The following NEDD4 variants were observed in gnomAD, a reference collection of about 807,000 sequenced individuals.
NEDD4 encodes E3 ubiquitin-protein ligase NEDD4.
In NEDD4, 99 loss-of-function variants were observed where a neutral mutation model predicts 144.9. That is an observed-to-expected ratio of 0.68 (90% CI 0.58 to 0.81). The LOEUF is 0.81. Among genes scored for constraint, NEDD4 ranks in the 30% least tolerant of loss-of-function variants. The pLI is 0.00. For missense variants in NEDD4, 985 were observed against 1,065.9 expected, an observed-to-expected ratio of 0.92 and a Z score of 1.06; for synonymous variants, 318 against 350.6, an observed-to-expected ratio of 0.91 and a Z score of 1.04.
chr15:55,966,058 T>C (rs1248030731), intron 2 of NEDD4, among the ~76,000 whole-genome samples: 5 of 152,194 alleles, frequency 3.3e-5, no homozygotes, highest in African/African-American at 9.6e-5. Context: ...GACCAATTCA[T>C]AGTATCAGGA....
At chr15:55,843,207 C>T (rs2033594563) in intron 18 of NEDD4, among the ~76,000 whole-genome samples, 1 of 152,134 alleles carries the variant, frequency 6.6e-6, no homozygotes, top group South Asian at 2.1e-4. Flanking sequence ...TTGTAAATTG[C>T]CTGGTCTCAG....
intron 1 of NEDD4, among the ~76,000 whole-genome samples, chr15:55,973,830 A>G (rs1224504499): frequency 6.6e-6 from 1 of 151,634 alleles, no homozygotes; most frequent in Non-Finnish European, 1.5e-5. Context: ...AAAGTAGAAA[A>G]ACTTCAAAAA....
At chr15:55,941,570 T>C (rs1194666707) in intron 4 of NEDD4, among the ~76,000 whole-genome samples, 1 of 149,732 alleles carries the variant, frequency 6.7e-6, no homozygotes, top group African/African-American at 2.5e-5. Context: ...TAAATTTCTT[T>C]TTTTTTTTTT....
chr15:55,850,135 A>C (rs2142005920), intron 14 of NEDD4, among the ~76,000 whole-genome samples: 1 of 152,330 alleles, frequency 6.6e-6, no homozygotes, highest in East Asian at 1.9e-4. Context: ...GCCAAGCACT[A>C]AACAATTTTA....
chr15:55,831,050 G>A (rs1400083437), intron 27 of NEDD4, among the ~76,000 whole-genome samples: 1 of 151,986 alleles, frequency 6.6e-6, no homozygotes, highest in Non-Finnish European at 1.5e-5. Flanking sequence ...CTCCCAAGAA[G>A]CTGAGATTCC....
intron 2 of NEDD4, among the ~76,000 whole-genome samples, chr15:55,958,811 T>C (rs74015345): frequency 0.029 from 4,343 of 151,916 alleles, 201 homozygotes; most frequent in African/African-American, 0.098. Context: ...GATACAAAAT[T>C]GTACAAAATG....
chr15:55,906,764 T>C (rs1274266165), intron 5 of NEDD4, among the ~76,000 whole-genome samples: 1 of 152,126 alleles, frequency 6.6e-6, no homozygotes, highest in Admixed American at 6.6e-5. Flanking sequence ...ACATGTACTC[T>C]AGAACTTGAA....
chr15:55,966,194 C>A (rs568986926), intron 2 of NEDD4, among the ~76,000 whole-genome samples: 1 of 152,282 alleles, frequency 6.6e-6, no homozygotes, highest in African/African-American at 2.4e-5. Flanking sequence ...TGGTTGTTAT[C>A]TGCTAAAGGA....
chr15:55,858,533 C>T (rs1039489361), intron 11 of NEDD4, among the ~76,000 whole-genome samples: 2 of 152,082 alleles, frequency 1.3e-5, no homozygotes, highest in African/African-American at 4.8e-5. Flanking sequence ...GTCTTGAACT[C>T]CTGACTTCAA....
Position 55,856,164 on chromosome 15 carries a change from GGCTTGTAA to G in NEDD4, c.985_992del (p.Gln330TyrfsTer3), listed in dbSNP as rs775816969. Reference sequence around the variant, plus strand: ...GTGTAGGTTGTTCCTCAAAAGTATAGGCTTGTAAGCTGCCTCTTCTGCTGGAATGATTC... The same window carrying G: ...GTGTAGGTTGTTCCTCAAAAGTATAGGCTGCCTCTTCTGCTGGAATGATTC... On this transcript the variant is annotated frameshift_variant, in exon 12 of 29. Transcript: ENST00000435532. LOFTEE classifies it high-confidence loss of function. 1 of 1,612,588 alleles carries G rather than the reference GGCTTGTAA, an allele frequency of 6.2e-7. No individual in the cohort carries two copies.
chr15:55,949,085 A>G (rs1221319090), intron 4 of NEDD4, among the ~76,000 whole-genome samples: 4 of 152,230 alleles, frequency 2.6e-5, no homozygotes, highest in African/African-American at 9.6e-5. Flanking sequence ...CAGAATCTAC[A>G]AAGAACACAA....
chr15:55,867,360 G>A (rs1296101717), intron 8 of NEDD4, among the ~76,000 whole-genome samples: 1 of 152,076 alleles, frequency 6.6e-6, no homozygotes, highest in East Asian at 1.9e-4. Flanking sequence ...CATTCTGAGG[G>A]AATTCAAACA....
intron 5 of NEDD4, among the ~76,000 whole-genome samples, chr15:55,922,765 GAAGAA>G (rs1321301910): frequency 3.3e-5 from 5 of 152,192 alleles, no homozygotes; most frequent in Admixed American, 6.5e-5. Flanking sequence ...ACTTGTGGAG[GAAGAA>G]AAGAAGATGC....
At chr15:55,917,153 A>G (rs2036475585) in intron 5 of NEDD4, 3 of 1,081,578 alleles carry the variant, frequency 2.8e-6, no homozygotes, top group Non-Finnish European at 2.2e-6. Context: ...AACACAGCCA[A>G]CCTTGTTTCA....
intron 1 of NEDD4, among the ~76,000 whole-genome samples, chr15:55,970,401 A>T (rs117522829): frequency 0.025 from 3,861 of 152,280 alleles, 64 homozygotes; most frequent in Non-Finnish European, 0.039. Flanking sequence ...CTGAAGAGCC[A>T]TTGGGTCTTA....
chr15:55,969,110 G>C (rs2037566183), intron 1 of NEDD4, among the ~76,000 whole-genome samples: 1 of 152,190 alleles, frequency 6.6e-6, no homozygotes, highest in Admixed American at 6.5e-5. Context: ...GGCTGAGAGA[G>C]AATCTATGCC....
intron 1 of NEDD4, among the ~76,000 whole-genome samples, chr15:55,972,936 CA>C (rs1265307212): frequency 3.3e-5 from 5 of 152,126 alleles, no homozygotes. Context: ...GAAGATACAA[CA>C]ATTGTAAATA....
intron 4 of NEDD4, among the ~76,000 whole-genome samples, chr15:55,936,334 T>C (rs1461582716): frequency 6.6e-6 from 1 of 151,910 alleles, no homozygotes; most frequent in Non-Finnish European, 1.5e-5. Flanking sequence ...CATAGCAAAG[T>C]GCCTGAGAAA....
intron 9 of NEDD4, 66 bp downstream of exon 9, chr15:55,862,847 C>T (rs1002989205): frequency 7.0e-7 from 1 of 1,421,524 alleles, no homozygotes; most frequent in South Asian, 1.5e-5. Flanking sequence ...TGAGACATGA[C>T]TTCAAAATGA....
Sources: allele counts gnomAD v4.1 joint callset (sites outside exome capture counted in the v4.1 genomes callset), GRCh38; gene constraint gnomAD v4.1.1; transcripts MANE v1.5; gene names NCBI Gene and HGNC (gene_info 2026-07-23, HGNC 2026-07-21).